Variants in SEC23B observed in about 807,000 individuals in gnomAD.
SEC23B encodes SEC23 homolog B, COPII component.
Under a neutral mutation model 104.3 loss-of-function variants are expected in SEC23B, and 77 were observed. That is an observed-to-expected ratio of 0.74 (90% CI 0.61 to 0.89). SEC23B has a LOEUF of 0.89. SEC23B is among the 40% of genes least tolerant of loss of function. The pLI is 0.00. For synonymous variants in SEC23B, 338 were observed against 332.5 expected, an observed-to-expected ratio of 1.02 and a Z score of -0.18; for missense variants, 885 against 949.4, an observed-to-expected ratio of 0.93 and a Z score of 0.89.
At position 18,530,768 on chromosome 20, in the gene SEC23B, T is replaced by C. The variant is rs142461689; in HGVS notation, c.1198T>C (p.Phe400Leu). The C allele has an allele frequency of 9.1e-4, 1,461 of 1,613,776 alleles. 2 individuals are homozygous for C. The highest frequency in any genetic ancestry group is 9.1e-4 in the Non-Finnish European group (1,076 of 1,179,750). ...RIFTKDFNGD[F>L]RMAFGATLDV... The stretch of plus-strand genomic sequence containing the variant: ...CTTTACTAAAGATTTTAATGGAGAT[T>C]TCCGAATGGCATTTGGTGCTACTTT... The change falls in exon 10 of 20, where the codon TTC becomes CTC. Residue 400 changes from phenylalanine (F) to leucine (L), a missense_variant. Coordinates refer to ENST00000650089, the MANE Select transcript of SEC23B (RefSeq NM_006363.6).
intron 7 of SEC23B, 27 bp downstream of exon 7, chr20:18,525,959 CA>C: frequency 3.7e-6 from 6 of 1,609,416 alleles, no homozygotes; most frequent in Non-Finnish European, 5.1e-6. Flanking sequence ...CAGGACCTCT[CA>C]AATCATACAA....
Position 18,554,237 on chromosome 20 carries a change from C to T in SEC23B, c.1995C>T (p.Thr665=), listed in dbSNP as rs1383134717. ...FFQIVIYLGE[T]IAQWRKAGYQ... is the part of the protein sequence containing the mutation. ...TTGGTTGGTTTGTTTCTGTGTAGACCATAGCCCAGTGGCGTAAAGCTGGCT... is the reference window on the plus strand; with the variant it reads ...TTGGTTGGTTTGTTTCTGTGTAGACTATAGCCCAGTGGCGTAAAGCTGGCT... The change falls in exon 18 of 20, where the codon ACC becomes ACT. Residue 665 remains threonine, a splice_region_variant and synonymous_variant. Coordinates refer to ENST00000650089, the MANE Select transcript of SEC23B (RefSeq NM_006363.6). 3 of 1,613,990 alleles carry T rather than the reference C, an allele frequency of 1.9e-6. No homozygotes were observed. Among genetic ancestry groups the T allele is most frequent in the Non-Finnish European group, 2.5e-6 (3 of 1,180,012 alleles).
At position 18,560,717 on chromosome 20, in the gene SEC23B, C is replaced by CTGGCTG. The variant is rs1337845357; in HGVS notation, c.2283_2288dup (p.Ala762_Val763dup). On this transcript the variant is annotated inframe_insertion, in exon 20 of 20. Transcript: ENST00000650089. ...GGTGTTCATGGACCATTTGAAGAAG[C>CTGGCTG]TGGCTGTCTCCAGTGCCTGTTAAGC... 1.2e-6 allele frequency: 2 copies of CTGGCTG among 1,613,948 alleles called. No individual in the cohort carries two copies. The highest frequency in any genetic ancestry group is 2.2e-5 in the East Asian group (1 of 44,890).
intron 6 of SEC23B, 121 bp downstream of exon 6, chr20:18,525,141 T>C (rs2148898733): frequency 2.1e-6 from 2 of 974,024 alleles, no homozygotes; most frequent in East Asian, 2.6e-5. Flanking sequence ...AGATAAATGA[T>C]TAAGCCTAAT....
intron 9 of SEC23B, among the ~76,000 whole-genome samples, chr20:18,529,001 A>G (rs2060158318): frequency 1.3e-5 from 2 of 152,242 alleles, no homozygotes; most frequent in Admixed American, 1.3e-4. Context: ...GGTGCTAGTC[A>G]CACCTTATCC....
chr20:18,529,747 G>T (rs1207318787), intron 9 of SEC23B, among the ~76,000 whole-genome samples: 3 of 152,234 alleles, frequency 2.0e-5, no homozygotes, highest in African/African-American at 7.2e-5. Flanking sequence ...CATAGGCAAG[G>T]CAGGCTGGAA....
Position 18,556,266 on chromosome 20 carries a change from CT to C in SEC23B, c.2214+1094del, listed in dbSNP as rs555371399. Among the ~76,000 whole-genome samples the C allele has an allele frequency of 1.2e-3, 189 of 152,184 alleles. 1 individual carries two copies. The highest frequency in any genetic ancestry group is 4.5e-3 in the African/African-American group (185 of 41,490). ...ATCCGTGGCCTGCAGTTGGGGACCC[CT>C]GATTTAAAGTGTATGGGAGGGTATG... On this transcript the variant is annotated intron_variant, in intron 19 of 19. Coordinates refer to ENST00000650089, the MANE Select transcript of SEC23B (RefSeq NM_006363.6).
At chr20:18,527,168 G>C (rs1339478867) in intron 8 of SEC23B, among the ~76,000 whole-genome samples, 2 of 152,228 alleles carry the variant, frequency 1.3e-5, no homozygotes, top group Non-Finnish European at 2.9e-5. Flanking sequence ...AGTGAGCTGA[G>C]ATCGTGCCAC....
intron 16 of SEC23B, among the ~76,000 whole-genome samples, chr20:18,550,073 T>G (rs1326669434): frequency 6.7e-6 from 1 of 148,166 alleles, no homozygotes; most frequent in Non-Finnish European, 1.5e-5. Context: ...ACTATGTATA[T>G]AAATATATAT....
Position 18,524,479 on chromosome 20 carries a change from G to A in SEC23B, c.413G>A (p.Cys138Tyr), listed in dbSNP as rs766531267. The A allele has an allele frequency of 8.1e-6, 13 of 1,614,034 alleles. No homozygotes were observed. In the South Asian group the frequency reaches 1.2e-4, roughly 15 times the overall value. Residue 138 changes from cysteine (C) to tyrosine (Y), a missense_variant, in exon 5 of 20, where the codon TGC (cysteine) becomes TAC (tyrosine). Physicochemically the swap from Cys to Tyr is radical, Grantham distance 194. Coordinates refer to ENST00000650089, the MANE Select transcript of SEC23B (RefSeq NM_006363.6). ...PLIFLYVVDT[C>Y]LEEDDLQALK... ...ATCTTTCTCTATGTGGTTGACACAT[G>A]CCTGGAGGAAGATGACCTTCAAGCA...
At chr20:18,532,583 C>T in intron 10 of SEC23B, 81 bp from the exon 11 acceptor site, 1 of 1,008,036 alleles carries the variant, frequency 9.9e-7, no homozygotes, top group Admixed American at 1.7e-5. Context: ...TATTTTCCCT[C>T]TAAGCTTTCA....
intron 14 of SEC23B, 105 bp from the exon 15 acceptor site, chr20:18,545,851 A>G (rs901353726): frequency 4.5e-5 from 35 of 773,438 alleles, no homozygotes; most frequent in Middle Eastern, 2.2e-4. Context: ...CAGAGTTCAG[A>G]CTGGATGTAG....
At chr20:18,507,912 A>T (rs1385695912), upstream of SEC23B, 3 of 152,368 alleles carry the variant, frequency 2.0e-5, no homozygotes, top group East Asian at 1.9e-4. Flanking sequence ...GCTGAGCTGG[A>T]CTTGGCGGTG....
At position 18,548,039 on chromosome 20, in the gene SEC23B, C is replaced by T. The variant is rs554255092; in HGVS notation, c.1744-570C>T. Among the ~76,000 whole-genome samples, 3 of 152,226 alleles carry T rather than the reference C, an allele frequency of 2.0e-5. No homozygotes were observed. In the South Asian group the frequency reaches 6.2e-4, roughly 32 times the overall value. On this transcript the variant is annotated intron_variant, in intron 15 of 19. Transcript: ENST00000650089. ...TGATCTCAGCTCACCGCAACCTCCCCCTACTGGGTTCAAGTGATTTTCCTG... is the reference window on the plus strand; with the variant it reads ...TGATCTCAGCTCACCGCAACCTCCCTCTACTGGGTTCAAGTGATTTTCCTG...
intron 12 of SEC23B, among the ~76,000 whole-genome samples, chr20:18,538,280 C>T (rs576329037): frequency 7.6e-5 from 11 of 144,340 alleles, no homozygotes; most frequent in Admixed American, 1.4e-4. Context: ...GACGGGGTCT[C>T]GCTCTGTACC....
rs369173250 is a variant in SEC23B at position 18,535,761 on chromosome 20, CAT to C, written c.1404+20_1404+21del. The stretch of plus-strand genomic sequence containing the variant: ...CAATCAGGTGAGTTGGATTTCTTCA[CAT>C]GTCTTCATGTCTTAGTGTCCTGTTT... On this transcript the variant is annotated intron_variant, in intron 12 of 19. Coordinates refer to ENST00000650089, the MANE Select transcript of SEC23B (RefSeq NM_006363.6). The C allele has an allele frequency of 1.1e-3, 1,626 of 1,542,844 alleles. 4 individuals are homozygous for C. The highest frequency in any genetic ancestry group is 7.1e-3 in the African/African-American group (521 of 73,618).
chr20:18,508,852 C>T (rs938947743), intron 1 of SEC23B, among the ~76,000 whole-genome samples: 1 of 151,400 alleles, frequency 6.6e-6, no homozygotes, highest in Non-Finnish European at 1.5e-5. Flanking sequence ...TCCCGAGTAG[C>T]TGGGATTACA....
At chr20:18,554,426 C>T (rs762410830) in intron 18 of SEC23B, 36 bp downstream of exon 18, 85 of 1,611,206 alleles carry the variant, frequency 5.3e-5, no homozygotes, top group Non-Finnish European at 6.1e-5. Flanking sequence ...GTGGTTTGTT[C>T]GTTTTATGAT....
At chr20:18,530,656 C>A in intron 9 of SEC23B, 24 bp from the exon 10 acceptor site, 1 of 1,611,376 alleles carries the variant, frequency 6.2e-7, no homozygotes, top group Non-Finnish European at 8.5e-7. Flanking sequence ...CTAATATTCA[C>A]TTGATTTTTT....
Sources: allele counts gnomAD v4.1 joint callset (sites outside exome capture counted in the v4.1 genomes callset), GRCh38; gene constraint gnomAD v4.1.1; transcripts MANE v1.5; gene names NCBI Gene and HGNC (gene_info 2026-07-23, HGNC 2026-07-21).